The following ESCO2 variants were observed in gnomAD, a reference collection of about 807,000 sequenced individuals.
The protein encoded by ESCO2 is establishment of sister chromatid cohesion N-acetyltransferase 2, also known as N-acetyltransferase ESCO2.
ESCO2 carries 51 observed loss-of-function variants against 61.7 expected under a neutral mutation model. That is an observed-to-expected ratio of 0.83 (90% CI 0.66 to 1.04). The LOEUF (loss-of-function observed/expected upper bound fraction) is 1.04, where lower values mean the gene tolerates loss of function less well. Among genes scored for constraint, ESCO2 ranks in the 50% least tolerant of loss-of-function variants. The pLI, the probability that ESCO2 is intolerant of heterozygous loss-of-function variation, is 0.00. For synonymous variants in ESCO2, 230 were observed against 238.2 expected (o/e 0.97, Z 0.32); for missense variants, 692 against 686.2 (o/e 1.01, Z -0.09).
rs1286592627 is a variant in ESCO2, at chr8:27,802,656, TTA to T, written c.1674-633_1674-632del. Among the ~76,000 whole-genome samples the T allele has an allele frequency of 1.5e-3, 93 of 63,544 alleles. 1 individual carries two copies. The East Asian group carries it at 0.017, about 11-fold the overall frequency. The allele number at this position is 63,544 out of a possible 152,430, so 41.7% of individuals were successfully genotyped here. A position where few individuals can be genotyped will look rare whatever the true frequency, so the allele number is the denominator to read the frequency against. On this transcript the variant is annotated intron_variant, in intron 10 of 10. Transcript: ENST00000305188. Reference sequence around the variant, plus strand: ...ATATATATATATATATATATATATATTATATATATATATATATAGTTACTGCT... The same window carrying T: ...ATATATATATATATATATATATATATTATATATATATATATAGTTACTGCT...
chr8:27,803,546 T>TCACACACACA lies in ESCO2; in HGVS notation c.*110_*111insCACACACACA, dbSNP rs1343306604. The TCACACACACA allele has an allele frequency of 3.6e-6, 4 of 1,124,662 alleles. No homozygotes were observed. In the East Asian group the frequency reaches 1.1e-4, roughly 32 times the overall value. The allele number at this position is 1,124,662 out of a possible 1,614,324, so 69.7% of individuals were successfully genotyped here. A position where few individuals can be genotyped will look rare whatever the true frequency, so the allele number is the denominator to read the frequency against. On this transcript the variant is annotated 3_prime_UTR_variant, in exon 11 of 11. Transcript: ENST00000305188. ...AAATAAAAAATACCGAGACTCACAC[T>TCACACACACA]CATACACACACACACACACACGCAC...
At chr8:27,778,148 A>C (rs1279427591) in intron 3 of ESCO2, 1 of 152,222 alleles carries the variant, frequency 6.6e-6, no homozygotes, top group African/African-American at 2.4e-5. Context: ...TCATTTCTAC[A>C]TGGCAATAAT....
chr8:27,808,684 C>CCAAAAA (rs757570826), downstream of ESCO2, among the ~76,000 whole-genome samples: 2 of 106,586 alleles, frequency 1.9e-5, no homozygotes, highest in African/African-American at 7.5e-5. Context: ...GACCCTGTCT[C>CCAAAAA]AAAAAAAAAA....
chr8:27,772,397 G>A, upstream of ESCO2: 1 of 997,388 alleles, frequency 1.0e-6, no homozygotes. Flanking sequence ...CGCGGGAAGA[G>A]GCACTCGCAT....
chr8:27,780,252 G>C lies in ESCO2; in HGVS notation c.940G>C (p.Gly314Arg). 2 of 1,605,504 alleles carry C rather than the reference G, an allele frequency of 1.2e-6. No homozygotes were observed. Among genetic ancestry groups the C allele is most frequent in the Non-Finnish European group, 1.7e-6 (2 of 1,172,698 alleles). Residue 314 changes from glycine to arginine, a missense_variant, in exon 4 of 11, where the codon GGT becomes CGT. Transcript: ENST00000305188. ...NEAFSSEDSL[G>R]ENKTISPKST... ...GGCTTTTTCTTCAGAGGATTCTCTT[G>C]GTGAGAATAAGACAAGTAAGAGAAA...
intron 7 of ESCO2, among the ~76,000 whole-genome samples, chr8:27,789,866 G>T (rs372697069): frequency 4.0e-5 from 6 of 151,512 alleles, no homozygotes. Flanking sequence ...CCCACCAGAA[G>T]TTTGGTGCTC....
At chr8:27,816,363 T>A (rs191016197), downstream of ESCO2, among the ~76,000 whole-genome samples, 8,722 of 116,420 alleles carry the variant, frequency 0.075, 626 homozygotes, top group African/African-American at 0.16. Flanking sequence ...ATATATTTAT[T>A]TATTTATTTA....
At chr8:27,813,790 C>T (rs117969820), downstream of ESCO2, among the ~76,000 whole-genome samples, 218 of 152,268 alleles carry the variant, frequency 1.4e-3, 4 homozygotes, top group East Asian at 0.029. Flanking sequence ...CTTTTCCTTC[C>T]TGGAATAAGT....
chr8:27,773,479 A>AG (rs3834365), upstream of ESCO2, among the ~76,000 whole-genome samples: 18,637 of 139,634 alleles, frequency 0.13, 1,386 homozygotes, highest in East Asian at 0.35. Context: ...CGGTGGGGGG[A>AG]GGGGGGTTGG....
chr8:27,792,156 C>T, intron 8 of ESCO2, 104 bp downstream of exon 8: 1 of 1,036,878 alleles, frequency 9.6e-7, no homozygotes, highest in Non-Finnish European at 1.5e-6. Context: ...CACTTGGGTA[C>T]CTGCTTAATG....
intron 4 of ESCO2, among the ~76,000 whole-genome samples, chr8:27,782,713 T>C (rs928159567): frequency 5.3e-5 from 8 of 149,612 alleles, no homozygotes; most frequent in Non-Finnish European, 1.2e-4. Context: ...TTAAATAATA[T>C]ATATATATTA....
chr8:27,783,491 A>G lies in ESCO2; in HGVS notation c.956-509A>G, dbSNP rs1804968998. 2.0e-5 allele frequency among the ~76,000 whole-genome samples: 3 copies of G among 152,264 alleles called. No homozygotes were observed. In the South Asian group the frequency reaches 6.2e-4, roughly 31 times the overall value. ...TTGATAAAGTCCAAATTAATTTTTT[A>G]TAAATATATTATGCTTTCGCTGTTG... is the stretch of plus-strand genomic sequence containing the variant. On this transcript the variant is annotated intron_variant, in intron 4 of 10. Coordinates refer to ENST00000305188, the MANE Select transcript of ESCO2 (RefSeq NM_001017420.3).
chr8:27,801,638 T>A (rs979809131), intron 10 of ESCO2, among the ~76,000 whole-genome samples: 2 of 152,196 alleles, frequency 1.3e-5, no homozygotes, highest in Non-Finnish European at 2.9e-5. Context: ...ATCTTCTAAT[T>A]GAATCAAATT....
At chr8:27,784,137 C>A (rs1804984994) in intron 5 of ESCO2, 80 bp downstream of exon 5, 1 of 1,409,154 alleles carries the variant, frequency 7.1e-7, no homozygotes, top group South Asian at 1.2e-5. Flanking sequence ...TCTCATGCTA[C>A]TTAATTTGGG....
At chr8:27,792,234 G>T (rs1416630079) in intron 8 of ESCO2, among the ~76,000 whole-genome samples, 182 bp downstream of exon 8, 1 of 152,090 alleles carries the variant, frequency 6.6e-6, no homozygotes, top group Non-Finnish European at 1.5e-5. Context: ...GGCAGATAAG[G>T]CTCCACAGCT....
chr8:27,805,000 C>CTTAATCCTGCTTT lies in ESCO2; in HGVS notation c.*1562_*1563insTTAATCCTGCTTT. The CTTAATCCTGCTTT allele has an allele frequency of 2.0e-4, 45 of 227,062 alleles. No homozygotes were observed. Among genetic ancestry groups the CTTAATCCTGCTTT allele is most frequent in the Non-Finnish European group, 2.8e-4 (39 of 141,738 alleles). The allele number at this position is 227,062 out of a possible 1,614,324, so 14.1% of individuals were successfully genotyped here. On this transcript the variant is annotated 3_prime_UTR_variant, in exon 11 of 11. Transcript: ENST00000305188. ...GAGATTGCCAAAAGAAGAGGCTTCC[C>CTTAATCCTGCTTT]GGCCGGGCGCGGTGGCTCACGCCTG...
At chr8:27,777,734 C>T (rs1804830422) in intron 3 of ESCO2, 1 of 152,412 alleles carries the variant, frequency 6.6e-6, no homozygotes, top group African/African-American at 2.4e-5. Flanking sequence ...TGTGGGGCAG[C>T]TAGGGGCAGA....
downstream of ESCO2, among the ~76,000 whole-genome samples, chr8:27,809,140 AAAG>A (rs1276618554): frequency 3.3e-5 from 5 of 152,216 alleles, no homozygotes; most frequent in African/African-American, 1.2e-4. Flanking sequence ...TTGGCTTGGC[AAAG>A]AAGAGTGACA....
At chr8:27,780,737 A>G (rs1804907615) in intron 4 of ESCO2, among the ~76,000 whole-genome samples, 2 of 152,228 alleles carry the variant, frequency 1.3e-5, no homozygotes, top group South Asian at 4.1e-4. Context: ...TGTATGATCT[A>G]GGAAGATATC....
Sources: allele counts gnomAD v4.1 joint callset (sites outside exome capture counted in the v4.1 genomes callset), GRCh38; gene constraint gnomAD v4.1.1; transcripts MANE v1.5; gene names NCBI Gene and HGNC (gene_info 2026-07-23, HGNC 2026-07-21).